ATXN10: variants seen among roughly 807,000 people sequenced by gnomAD.
ATXN10 encodes the protein ataxin 10, also known as ataxin-10.
A neutral mutation model predicts 52.9 loss-of-function variants in ATXN10; 28 were observed. The ratio of observed to expected loss-of-function variants is 0.53; its 90% CI spans 0.39 to 0.73. ATXN10 has a LOEUF of 0.73. ATXN10 is among the 30% of genes least tolerant of loss of function. The pLI, the probability that ATXN10 is intolerant of heterozygous loss-of-function variation, is 0.00. For missense variants in ATXN10, 565 were observed against 577.0 expected, an observed-to-expected ratio of 0.98 and a Z score of 0.21; for synonymous variants, 226 against 221.5, an observed-to-expected ratio of 1.02 and a Z score of -0.18.
intron 9 of ATXN10, among the ~76,000 whole-genome samples, chr22:45,748,073 G>C (rs964779263): frequency 3.9e-5 from 6 of 152,098 alleles, no homozygotes; most frequent in South Asian, 2.1e-4. Context: ...CAGGTGCTTG[G>C]GGGGCTGAGG....
chr22:45,839,468 C>G lies in ATXN10; in HGVS notation c.1238-3523C>G, dbSNP rs547547640. Among the ~76,000 whole-genome samples the G allele has an allele frequency of 3.9e-5, 6 of 152,342 alleles. No individual in the cohort carries two copies. The South Asian group carries it at 1.2e-3, about 32-fold the overall frequency. Reference sequence around the variant, plus strand: ...ATCACCCCAGCTGCAACCAGTGTCCCTGTTTGAGGGAGACACCTGGCAGCC... The same window carrying G: ...ATCACCCCAGCTGCAACCAGTGTCCGTGTTTGAGGGAGACACCTGGCAGCC... On this transcript the variant is annotated intron_variant, in intron 10 of 11. Transcript: ENST00000252934.
rs575815972 is a variant in ATXN10, at chr22:45,825,501, A to G, written c.1238-17490A>G. Among the ~76,000 whole-genome samples the G allele has an allele frequency of 5.3e-5, 8 of 152,318 alleles. No individual in the cohort carries two copies. In the East Asian group the frequency reaches 1.3e-3, roughly 26 times the overall value. ...TCAGGCTTATCCTTGGCACAGAGACAGCCTGCAACAATCCAGAAATAATAA... is the reference window on the plus strand; with the variant it reads ...TCAGGCTTATCCTTGGCACAGAGACGGCCTGCAACAATCCAGAAATAATAA... On this transcript the variant is annotated intron_variant, in intron 10 of 11. Transcript: ENST00000252934. This position sits in a 1 kb window ranked among gnomAD's most constrained non-coding sequence, Gnocchi z 4.5.
chr22:45,730,086 G>A (rs1260718409), intron 7 of ATXN10, among the ~76,000 whole-genome samples: 1 of 152,160 alleles, frequency 6.6e-6, no homozygotes, highest in African/African-American at 2.4e-5. Context: ...CCTCACACCT[G>A]TAACCCCACT....
chr22:45,737,759 C>T (rs1925354806), intron 7 of ATXN10, among the ~76,000 whole-genome samples: 1 of 140,086 alleles, frequency 7.1e-6, no homozygotes, highest in Admixed American at 7.7e-5. Context: ...AGTCCAGTGG[C>T]GTGATCTTGG....
chr22:45,752,857 C>T (rs2146819074), intron 9 of ATXN10, among the ~76,000 whole-genome samples: 1 of 152,082 alleles, frequency 6.6e-6, no homozygotes. Flanking sequence ...CGTCAGCCTC[C>T]CGAGTAGCTG....
chr22:45,700,352 G>T lies in ATXN10; in HGVS notation c.462G>T (p.Trp154Cys). The change falls in exon 4 of 12, where the codon TGG becomes TGT. Residue 154 changes from tryptophan (W) to cysteine (C), a missense_variant. Physicochemically the swap from Trp to Cys is radical, Grantham distance 215. Coordinates refer to ENST00000252934, the MANE Select transcript of ATXN10 (RefSeq NM_013236.4). ...SRNEDSQSIV[W>C]VHAFPELFLS... The stretch of plus-strand genomic sequence containing the variant: ...ATGAAGATTCCCAGTCTATTGTTTG[G>T]GTGCATGCTTTCCCAGAACTGTTTT... The T allele has an allele frequency of 6.2e-7, 1 of 1,613,888 alleles. No homozygotes were observed. The highest frequency in any genetic ancestry group is 8.5e-7 in the Non-Finnish European group (1 of 1,179,904).
At position 45,774,142 on chromosome 22, in the gene ATXN10, A is replaced by G. The variant is rs905479201; in HGVS notation, c.1174-32817A>G. Among the ~76,000 whole-genome samples the G allele has an allele frequency of 1.3e-5, 2 of 152,228 alleles. No individual in the cohort carries two copies. The highest frequency in any genetic ancestry group is 2.9e-5 in the Non-Finnish European group (2 of 68,024). On this transcript the variant is annotated intron_variant, in intron 9 of 11. Coordinates refer to ENST00000252934, the MANE Select transcript of ATXN10 (RefSeq NM_013236.4). The surrounding 1 kb of genome is among the most constrained non-coding windows in gnomAD (Gnocchi z 6.2). ...TGTGTGCGCTGGCACTCTGGGAAGTACTGTGACAGCCTGCTAATGTCTGGG... is the reference window on the plus strand; with the variant it reads ...TGTGTGCGCTGGCACTCTGGGAAGTGCTGTGACAGCCTGCTAATGTCTGGG...
intron 9 of ATXN10, among the ~76,000 whole-genome samples, chr22:45,803,148 A>T (rs1407227334): frequency 6.6e-6 from 1 of 152,212 alleles, no homozygotes; most frequent in South Asian, 2.1e-4. Context: ...AGAAGGCACT[A>T]TCATCCCCAT....
rs1367419259 is a variant in ATXN10, at chr22:45,781,538, A to G, written c.1174-25421A>G. On this transcript the variant is annotated intron_variant, in intron 9 of 11. Coordinates refer to ENST00000252934, the MANE Select transcript of ATXN10 (RefSeq NM_013236.4). The surrounding 1 kb of genome is among the most constrained non-coding windows in gnomAD (Gnocchi z 4.2). ...ACTTAAGATTCAGTCTTCTCATACC[A>G]CTACACCCAAATGTTTAGAGTACAA... Among the ~76,000 whole-genome samples the G allele has an allele frequency of 6.6e-6, 1 of 152,184 alleles. No homozygotes were observed. Among genetic ancestry groups the G allele is most frequent in the Non-Finnish European group, 1.5e-5 (1 of 68,046 alleles).
chr22:45,834,328 G>T (rs1020163685), intron 10 of ATXN10, among the ~76,000 whole-genome samples: 1 of 152,088 alleles, frequency 6.6e-6, no homozygotes, highest in Non-Finnish European at 1.5e-5. Context: ...GGCAGGTGAG[G>T]CCTGACACTT....
rs1297861547 is a variant in ATXN10, at chr22:45,701,045, G to A, written c.488+667G>A. 6.6e-6 allele frequency among the ~76,000 whole-genome samples: 1 copy of A among 152,190 alleles called. No individual in the cohort carries two copies. The highest frequency in any genetic ancestry group is 6.5e-5 in the Admixed American group (1 of 15,280). Reference sequence around the variant, plus strand: ...AAAAGGTGAGCAGGGAATAGAGTCAGTATACCTAGTAGGAAAGGCACAGTC... The same window carrying A: ...AAAAGGTGAGCAGGGAATAGAGTCAATATACCTAGTAGGAAAGGCACAGTC... On this transcript the variant is annotated intron_variant, in intron 4 of 11. Transcript: ENST00000252934. This position sits in a 1 kb window ranked among gnomAD's most constrained non-coding sequence, Gnocchi z 4.2.
chr22:45,764,672 C>A (rs557472613), intron 9 of ATXN10, among the ~76,000 whole-genome samples: 1 of 152,214 alleles, frequency 6.6e-6, no homozygotes, highest in African/African-American at 2.4e-5. Flanking sequence ...ATTTGAACAC[C>A]CAAAGAATTT....
intron 10 of ATXN10, among the ~76,000 whole-genome samples, chr22:45,838,672 C>T (rs1929246685): frequency 6.6e-6 from 1 of 152,344 alleles, no homozygotes; most frequent in East Asian, 1.9e-4. Flanking sequence ...TCTCTCGTGA[C>T]ACTTCAGACT....
intron 9 of ATXN10, among the ~76,000 whole-genome samples, chr22:45,785,380 A>G (rs954325577): frequency 6.6e-6 from 1 of 152,264 alleles, no homozygotes; most frequent in Admixed American, 6.5e-5. Context: ...TCTTAAAGAA[A>G]TGACAGTAAT....
chr22:45,685,946 A>C (rs1343267686), intron 1 of ATXN10, among the ~76,000 whole-genome samples: 1 of 152,216 alleles, frequency 6.6e-6, no homozygotes, highest in Non-Finnish European at 1.5e-5. Context: ...CCAGACCCTC[A>C]AGCTTATCCA....
intron 10 of ATXN10, among the ~76,000 whole-genome samples, chr22:45,814,556 G>A (rs1477649415): frequency 6.6e-6 from 1 of 152,192 alleles, no homozygotes; most frequent in Non-Finnish European, 1.5e-5. Flanking sequence ...CTTTTTGGTT[G>A]GGAATGTCTG....
In ATXN10 at chr22:45,841,307, A is replaced by G. The variant is rs1199822561; in HGVS notation, c.1238-1684A>G. 6.6e-6 allele frequency among the ~76,000 whole-genome samples: 1 copy of G among 152,362 alleles called. No individual in the cohort carries two copies. Among genetic ancestry groups the G allele is most frequent in the South Asian group, 2.1e-4 (1 of 4,828 alleles). ...TAGAACCAGCATTAGCTGGGCACTG[A>G]CAGTCCTTTTCTCTGCCATCTGGAA... is the stretch of plus-strand genomic sequence containing the variant. On this transcript the variant is annotated intron_variant, in intron 10 of 11. Transcript: ENST00000252934. This position sits in a 1 kb window ranked among gnomAD's most constrained non-coding sequence, Gnocchi z 5.1.
intron 5 of ATXN10, among the ~76,000 whole-genome samples, chr22:45,710,660 T>G (rs369024635): frequency 1.3e-5 from 2 of 152,192 alleles, no homozygotes; most frequent in Non-Finnish European, 2.9e-5. Context: ...GCCCACTGCT[T>G]CTTTTTATAA....
chr22:45,753,266 C>T (rs1926052195), intron 9 of ATXN10, among the ~76,000 whole-genome samples: 1 of 148,332 alleles, frequency 6.7e-6, no homozygotes, highest in African/African-American at 2.5e-5. Flanking sequence ...TTAGGAGAAA[C>T]CTTTTTCGGC....
Sources: gnomAD v4.1 joint callset for allele counts (sites outside exome capture counted in the v4.1 genomes callset) on GRCh38, gnomAD v4.1.1 for gene constraint, Gnocchi (gnomAD v3.1) non-coding constraint, MANE v1.5 for transcripts, NCBI Gene and HGNC (gene_info 2026-07-23, HGNC 2026-07-21) for gene names.